Variants in DPYS observed in about 807,000 individuals in gnomAD.
The protein encoded by DPYS is dihydropyrimidine amidohydrolase.
DPYS carries 39 observed loss-of-function variants against 50.3 expected under a neutral mutation model. That is an observed-to-expected ratio of 0.78 (90% confidence interval 0.60 to 1.01). DPYS has a LOEUF of 1.01. Among genes scored for constraint, DPYS ranks in the 50% least tolerant of loss-of-function variants. DPYS has a pLI of 0.00. For synonymous variants in DPYS, 245 were observed against 250.7 expected, an observed-to-expected ratio of 0.98 and a Z score of 0.22; for missense variants, 659 against 680.9, an observed-to-expected ratio of 0.97 and a Z score of 0.36.
intron 7 of DPYS, among the ~76,000 whole-genome samples, chr8:104,410,391 T>C (rs1294790444): frequency 6.6e-6 from 1 of 152,094 alleles, no homozygotes; most frequent in Non-Finnish European, 1.5e-5. Context: ...CCTCAGACTC[T>C]AGGGTGACCA....
intron 4 of DPYS, among the ~76,000 whole-genome samples, chr8:104,433,965 G>A (rs1439427586): frequency 5.3e-5 from 8 of 152,142 alleles, no homozygotes; most frequent in African/African-American, 1.7e-4. Flanking sequence ...TTCATTCTAA[G>A]GCAAATATGA....
chr8:104,412,365 G>A (rs1239807188), intron 7 of DPYS, among the ~76,000 whole-genome samples: 2 of 152,160 alleles, frequency 1.3e-5, no homozygotes, highest in Non-Finnish European at 2.9e-5. Flanking sequence ...GGGCCAATGC[G>A]AATGTTTGTG....
At chr8:104,460,278 G>T (rs1349803199) in intron 1 of DPYS, among the ~76,000 whole-genome samples, 1 of 152,126 alleles carries the variant, frequency 6.6e-6, no homozygotes, top group East Asian at 1.9e-4. Context: ...CCATGTGGGA[G>T]GTGATTGAAT....
intron 4 of DPYS, among the ~76,000 whole-genome samples, chr8:104,440,652 G>C (rs967294382): frequency 6.6e-6 from 1 of 152,034 alleles, no homozygotes; most frequent in Non-Finnish European, 1.5e-5. Context: ...CCAGCTACTC[G>C]AGAGGCTGAG....
chr8:104,432,584 T>C (rs1812992952), intron 4 of DPYS, among the ~76,000 whole-genome samples: 1 of 152,224 alleles, frequency 6.6e-6, no homozygotes, highest in Non-Finnish European at 1.5e-5. Context: ...TTTATTTTGA[T>C]TCAAAACATT....
At position 104,451,289 on chromosome 8, in the gene DPYS, C is replaced by T; in HGVS notation, c.380G>A (p.Cys127Tyr). The T allele has an allele frequency of 6.2e-7, 1 of 1,614,158 alleles. No homozygotes were observed. Among genetic ancestry groups the T allele is most frequent in the Non-Finnish European group, 8.5e-7 (1 of 1,180,030 alleles). Residue 127 changes from cysteine (C) to tyrosine (Y), a missense_variant, in exon 2 of 10, where the codon TGC becomes TAC. Physicochemically the swap from Cys to Tyr is radical, Grantham distance 194. Coordinates refer to ENST00000351513, the MANE Select transcript of DPYS (RefSeq NM_001385.3). ...CACTGCCACATGAAGGCTGTAGTCGCAGCAAACTTTGGGATCAGCCCAGCT... is the reference window on the plus strand; with the variant it reads ...CACTGCCACATGAAGGCTGTAGTCGTAGCAAACTTTGGGATCAGCCCAGCT... ...WRSWADPKVC[C>Y]DYSLHVAVTW...
Position 104,444,278 on chromosome 8 carries a change from C to A in DPYS, c.763G>T (p.Ala255Ser), listed in dbSNP as rs1332776554. 1 of 1,614,124 alleles carries A rather than the reference C, an allele frequency of 6.2e-7. No individual in the cohort carries two copies. The highest frequency in any genetic ancestry group is 1.3e-5 in the African/African-American group (1 of 74,958). ...CTCCTTGCATCCGCTATCACCTTAGCTGCAGACTTGCTCATCACATGCACA... is the reference window on the plus strand; with the variant it reads ...CTCCTTGCATCCGCTATCACCTTAGATGCAGACTTGCTCATCACATGCACA... ...YIVHVMSKSA[A>S]KVIADARRDG... Residue 255 changes from alanine (A) to serine (S), a missense_variant, in exon 4 of 10, where the codon GCT becomes TCT. Physicochemically the swap from Ala to Ser is moderately conservative, Grantham distance 99 (BLOSUM62 1). Transcript: ENST00000351513.
At chr8:104,380,902 A>G (rs949494968) in intron 9 of DPYS, 3 of 357,058 alleles carry the variant, frequency 8.4e-6, no homozygotes, top group African/African-American at 4.2e-5. Flanking sequence ...TCTGTATGTT[A>G]TCAGCCTCCT....
intron 4 of DPYS, among the ~76,000 whole-genome samples, chr8:104,436,804 G>T (rs1377889958): frequency 6.6e-6 from 1 of 152,008 alleles, no homozygotes; most frequent in African/African-American, 2.4e-5. Flanking sequence ...AGACCAGGCT[G>T]GGCAACATAG....
At chr8:104,461,930 CA>C (rs1814187181) in intron 1 of DPYS, among the ~76,000 whole-genome samples, 2 of 152,084 alleles carry the variant, frequency 1.3e-5, no homozygotes, top group African/African-American at 4.8e-5. Flanking sequence ...TAGAAGGAAA[CA>C]AATGTTTACA....
chr8:104,423,933 C>T (rs1413822104), intron 7 of DPYS: 5 of 954,186 alleles, frequency 5.2e-6, no homozygotes, highest in Non-Finnish European at 6.2e-6. Flanking sequence ...CTTTTATTTC[C>T]TTCATCACGC....
At chr8:104,389,223 C>T (rs1328332843) in intron 8 of DPYS, among the ~76,000 whole-genome samples, 2 of 152,196 alleles carry the variant, frequency 1.3e-5, no homozygotes, top group Non-Finnish European at 2.9e-5. Flanking sequence ...ATAGCATTTG[C>T]TATTCCTGCT....
intron 7 of DPYS, among the ~76,000 whole-genome samples, chr8:104,402,168 A>G (rs951924885): frequency 2.6e-5 from 4 of 152,162 alleles, no homozygotes; most frequent in East Asian, 1.9e-4. Flanking sequence ...CTGACCTTGT[A>G]TGTAGGTACC....
chr8:104,409,615 T>C (rs1332635749), intron 7 of DPYS, among the ~76,000 whole-genome samples: 3 of 152,174 alleles, frequency 2.0e-5, no homozygotes, highest in Non-Finnish European at 4.4e-5. Flanking sequence ...TTCTAAGCTT[T>C]TTTTCCTAGA....
At chr8:104,413,127 G>T (rs1023115199) in intron 7 of DPYS, among the ~76,000 whole-genome samples, 4 of 152,014 alleles carry the variant, frequency 2.6e-5, no homozygotes, top group African/African-American at 9.7e-5. Flanking sequence ...GTGAAAAATT[G>T]CAAACAACCT....
intron 7 of DPYS, among the ~76,000 whole-genome samples, chr8:104,393,729 TAAATCTCATTAAATGGAAAAGAAAA>T (rs2140523337): frequency 6.6e-6 from 1 of 152,348 alleles, no homozygotes; most frequent in East Asian, 1.9e-4. Context: ...CTCCTTTCCT[TAAATCTCATTAAATGGAAAAGAAAA>T]AAATCTGGCA....
intron 4 of DPYS, among the ~76,000 whole-genome samples, chr8:104,439,036 G>T (rs1290946779): frequency 6.6e-6 from 1 of 150,762 alleles, no homozygotes; most frequent in Non-Finnish European, 1.5e-5. Flanking sequence ...GCCACTGCAA[G>T]ATCTCCTGTG....
intron 7 of DPYS, among the ~76,000 whole-genome samples, chr8:104,396,825 C>A (rs1347264009): frequency 4.2e-3 from 547 of 131,012 alleles, no homozygotes; most frequent in South Asian, 5.1e-3. Context: ...TGCCTCATAC[C>A]AAAAAAAAAA....
rs1407246073 is a variant in DPYS at position 104,399,310 on chromosome 8, ACAACAAC to A, written c.1236-6326_1236-6320del. On this transcript the variant is annotated intron_variant, in intron 7 of 9. Coordinates refer to ENST00000351513, the MANE Select transcript of DPYS (RefSeq NM_001385.3). ...CATCTCAAAAAAAAAAAAAAAAAAA[ACAACAAC>A]AAAAAAAAACCAAGAAAACCCACAT... is the stretch of plus-strand genomic sequence containing the variant. Among the ~76,000 whole-genome samples the A allele has an allele frequency of 1.6e-3, 64 of 40,322 alleles. 11 individuals carry two copies. The highest frequency in any genetic ancestry group is 3.0e-3 in the Non-Finnish European group (42 of 14,168). 26.5% of individuals were successfully genotyped at this position (40,322 alleles called of 152,430 possible).
Sources: gnomAD v4.1 joint callset for allele counts (sites outside exome capture counted in the v4.1 genomes callset) on GRCh38, gnomAD v4.1.1 for gene constraint, MANE v1.5 for transcripts, NCBI Gene and HGNC (gene_info 2026-07-23, HGNC 2026-07-21) for gene names.